Variants in INO80D observed in about 807,000 individuals in gnomAD.
INO80D encodes the protein INO80 complex subunit D.
In INO80D, 21 loss-of-function variants were observed where a neutral mutation model predicts 87.6. The observed-to-expected ratio is 0.24, with a 90% CI of 0.17 to 0.35. INO80D has a LOEUF of 0.35. Among genes scored for constraint, INO80D ranks in the 10% least tolerant of loss-of-function variants. The pLI is 1.00. For synonymous variants in INO80D, 440 were observed against 491.0 expected (o/e 0.90, Z 1.37); for missense variants, 982 against 1,280.7 (o/e 0.77, Z 3.56).
intron 1 of INO80D, among the ~76,000 whole-genome samples, chr2:206,070,899 T>G (rs1299533281): frequency 6.6e-6 from 1 of 151,514 alleles, no homozygotes; most frequent in Non-Finnish European, 1.5e-5. Flanking sequence ...ATTTTTTTTT[T>G]TTTTTTTTTG....
chr2:206,042,787 C>G (rs1169773697), intron 5 of INO80D, among the ~76,000 whole-genome samples: 1 of 151,802 alleles, frequency 6.6e-6, no homozygotes, highest in Non-Finnish European at 1.5e-5. Flanking sequence ...GAGTTTGAGA[C>G]CAGCATTGGC....
chr2:206,042,746 A>T (rs1033545725), intron 5 of INO80D, among the ~76,000 whole-genome samples: 1 of 151,988 alleles, frequency 6.6e-6, no homozygotes, highest in African/African-American at 2.4e-5. Context: ...ATACTTCGGA[A>T]GGTCAACGCA....
chr2:206,066,594 T>C (rs1689820762), intron 1 of INO80D, among the ~76,000 whole-genome samples: 1 of 151,820 alleles, frequency 6.6e-6, no homozygotes, highest in South Asian at 2.1e-4. Context: ...TTACCTGAGG[T>C]CAGGAGTTCA....
At chr2:206,050,400 G>A (rs1182289314) in intron 4 of INO80D, among the ~76,000 whole-genome samples, 2 of 150,412 alleles carry the variant, frequency 1.3e-5, no homozygotes, top group Non-Finnish European at 2.9e-5. Flanking sequence ...GCTGAGGCAG[G>A]AGAATCGCTT....
chr2:206,026,075 T>G (rs1247030842), intron 6 of INO80D, among the ~76,000 whole-genome samples: 1 of 152,000 alleles, frequency 6.6e-6, no homozygotes, highest in Non-Finnish European at 1.5e-5. Flanking sequence ...TTTTTGTATT[T>G]TTTAGTAGAG....
chr2:205,999,435 G>A lies in INO80D; in HGVS notation c.*4933C>T, dbSNP rs1446247079. ...TCACTAAAAACTGCTGTTCAAAGTAGCCAAACATCCCCAGTATTGGGGAAC... is the reference window on the plus strand; with the variant it reads ...TCACTAAAAACTGCTGTTCAAAGTAACCAAACATCCCCAGTATTGGGGAAC... On this transcript the variant is annotated 3_prime_UTR_variant, in exon 11 of 11. Coordinates refer to ENST00000403263, the MANE Select transcript of INO80D (RefSeq NM_017759.5). 6.6e-6 allele frequency: 1 copy of A among 152,098 alleles called. No homozygotes were observed. Among genetic ancestry groups the A allele is most frequent in the Non-Finnish European group, 1.5e-5 (1 of 68,016 alleles). The allele number at this position is 152,098 out of a possible 1,614,324, so 9.4% of individuals were successfully genotyped here.
Position 206,002,871 on chromosome 2 carries a change from T to C in INO80D, c.*1497A>G, listed in dbSNP as rs1289527206. On this transcript the variant is annotated 3_prime_UTR_variant, in exon 11 of 11. Transcript: ENST00000403263. ...ACTAGACTCAGGTATAAATAGCCAATGGTATCTCAAGGGACAGTGAAACTA... is the reference window on the plus strand; with the variant it reads ...ACTAGACTCAGGTATAAATAGCCAACGGTATCTCAAGGGACAGTGAAACTA... 1.3e-5 allele frequency: 2 copies of C among 152,170 alleles called. No individual in the cohort carries two copies. The highest frequency in any genetic ancestry group is 2.9e-5 in the Non-Finnish European group (2 of 68,016). The allele number at this position is 152,170 out of a possible 1,614,324, so 9.4% of individuals were successfully genotyped here.
intron 3 of INO80D, among the ~76,000 whole-genome samples, chr2:206,059,448 A>C: frequency 6.6e-6 from 1 of 152,202 alleles, no homozygotes; most frequent in Non-Finnish European, 1.5e-5. Flanking sequence ...GATAGCTCCA[A>C]AAAACATAGT....
At chr2:206,019,944 T>C (rs1275218703) in intron 6 of INO80D, 99 bp from the exon 7 acceptor site, 7 of 760,958 alleles carry the variant, frequency 9.2e-6, no homozygotes, top group Non-Finnish European at 1.6e-5. Flanking sequence ...ACTCTCATTA[T>C]AATATATATA....
Position 206,004,301 on chromosome 2 carries a change from G to A in INO80D, c.*67C>T, listed in dbSNP as rs1212897951. On this transcript the variant is annotated 3_prime_UTR_variant, in exon 11 of 11. Transcript: ENST00000403263. The surrounding 1 kb of genome is among the most constrained non-coding windows in gnomAD (Gnocchi z 4.9). Reference sequence around the variant, plus strand: ...TCTTCTTTAGGAAAAGGGGAGAGGGGTGCTAAAGAGGAAACAAAGATAGAA... The same window carrying A: ...TCTTCTTTAGGAAAAGGGGAGAGGGATGCTAAAGAGGAAACAAAGATAGAA... 2 of 1,370,748 alleles carry A rather than the reference G, an allele frequency of 1.5e-6. No individual in the cohort carries two copies. Among genetic ancestry groups the A allele is most frequent in the African/African-American group, 2.9e-5 (2 of 69,226 alleles). The allele number at this position is 1,370,748 out of a possible 1,614,324, so 84.9% of individuals were successfully genotyped here. A position where few individuals can be genotyped will look rare whatever the true frequency, so the allele number is the denominator to read the frequency against.
intron 3 of INO80D, among the ~76,000 whole-genome samples, chr2:206,058,116 A>G (rs761636277): frequency 6.6e-5 from 10 of 152,136 alleles, no homozygotes; most frequent in Non-Finnish European, 1.5e-4. Context: ...CACACTCTTC[A>G]TGCTATTTTA....
At chr2:206,017,967 T>C (rs1464395594) in intron 7 of INO80D, among the ~76,000 whole-genome samples, 154 bp from the exon 8 acceptor site, 1 of 152,202 alleles carries the variant, frequency 6.6e-6, no homozygotes, top group Non-Finnish European at 1.5e-5. Flanking sequence ...ACTACTGATA[T>C]GGGAAAATAA....
intron 1 of INO80D, among the ~76,000 whole-genome samples, chr2:206,072,577 G>A (rs892528398): frequency 1.3e-5 from 2 of 151,834 alleles, no homozygotes; most frequent in African/African-American, 4.8e-5. Flanking sequence ...CGCGCCTGCC[G>A]TAATTCATAT....
At chr2:206,040,154 G>A (rs555659691) in intron 5 of INO80D, among the ~76,000 whole-genome samples, 11 of 151,778 alleles carry the variant, frequency 7.2e-5, no homozygotes, top group East Asian at 1.9e-4. Context: ...TTAGCCGGGC[G>A]TAGTGGTGCA....
rs577666187 is a variant in INO80D, at chr2:206,010,397, C to T, written c.1543-603G>A. ...ACATGTCAAGCAGTACAGCCAAAAC[C>T]AGGAACAGTATATAAAAATCTATGT... On this transcript the variant is annotated intron_variant, in intron 8 of 10. Coordinates refer to ENST00000403263, the MANE Select transcript of INO80D (RefSeq NM_017759.5). 5.5e-4 allele frequency among the ~76,000 whole-genome samples: 83 copies of T among 152,068 alleles called. 1 individual carries two copies. The highest frequency in any genetic ancestry group is 1.9e-3 in the African/African-American group (79 of 41,476).
intron 4 of INO80D, among the ~76,000 whole-genome samples, chr2:206,048,958 C>T (rs1689271683): frequency 6.6e-6 from 1 of 152,180 alleles, no homozygotes; most frequent in African/African-American, 2.4e-5. Flanking sequence ...ACTGATGTTG[C>T]ACAGCCTAAA....
chr2:206,003,235 G>A lies in INO80D; in HGVS notation c.*1133C>T, dbSNP rs1300267448. ...CACAACTGGTACACTGATTCTACAA[G>A]TGTCTTAACATTTTACAAATCTTAC... On this transcript the variant is annotated 3_prime_UTR_variant, in exon 11 of 11. Transcript: ENST00000403263. 6.6e-6 allele frequency: 1 copy of A among 152,158 alleles called. No individual in the cohort carries two copies. Among genetic ancestry groups the A allele is most frequent in the African/African-American group, 2.4e-5 (1 of 41,446 alleles). The allele number at this position is 152,158 out of a possible 1,614,324, so 9.4% of individuals were successfully genotyped here.
chr2:206,042,667 C>A (rs902367835), intron 5 of INO80D, among the ~76,000 whole-genome samples: 1 of 128,654 alleles, frequency 7.8e-6, no homozygotes, highest in South Asian at 3.0e-4. Context: ...TACGACAGAG[C>A]GAGACTTTGT....
intron 1 of INO80D, among the ~76,000 whole-genome samples, chr2:206,084,234 T>TACAC (rs1690367205): frequency 9.0e-6 from 1 of 110,582 alleles, no homozygotes; most frequent in African/African-American, 3.5e-5. Context: ...GTTTAAATGT[T>TACAC]ATACATACAC....
Sources: gnomAD v4.1 joint callset for allele counts (sites outside exome capture counted in the v4.1 genomes callset) on GRCh38, gnomAD v4.1.1 for gene constraint, Gnocchi (gnomAD v3.1) non-coding constraint, MANE v1.5 for transcripts, NCBI Gene and HGNC (gene_info 2026-07-23, HGNC 2026-07-21) for gene names.